The following SLC3A1 variants were observed in gnomAD, a reference collection of about 807,000 sequenced individuals.
SLC3A1 encodes the protein solute carrier family 3 member 1, also known as amino acid transporter heavy chain SLC3A1.
Under a neutral mutation model 60.3 loss-of-function variants are expected in SLC3A1, and 78 were observed. The observed-to-expected ratio is 1.29, with a 90% CI of 1.08 to 1.56. The LOEUF (loss-of-function observed/expected upper bound fraction) is 1.56. SLC3A1 is among the 40% of genes most tolerant of loss of function. SLC3A1 has a pLI of 0.00. For synonymous variants in SLC3A1, 392 were observed against 307.9 expected, an observed-to-expected ratio of 1.27 and a Z score of -2.86; for missense variants, 1,172 against 858.9, an observed-to-expected ratio of 1.36 and a Z score of -4.56.
In SLC3A1 at chr2:44,297,387, C is replaced by G. The variant is rs936780378; in HGVS notation, c.892-2584C>G. On this transcript the variant is annotated intron_variant, in intron 4 of 9. Coordinates refer to ENST00000260649, the MANE Select transcript of SLC3A1 (RefSeq NM_000341.4). Reference sequence around the variant, plus strand: ...TCCTCCCACCTGTCCCAGTACAGGCCAGCCTCTGCCTCCACACTTGGCTCA... The same window carrying G: ...TCCTCCCACCTGTCCCAGTACAGGCGAGCCTCTGCCTCCACACTTGGCTCA... 3.9e-5 allele frequency among the ~76,000 whole-genome samples: 6 copies of G among 152,258 alleles called. No homozygotes were observed. In the South Asian group the frequency reaches 1.2e-3, roughly 32 times the overall value.
At chr2:44,318,160 G>A (rs1039103585) in intron 9 of SLC3A1, 3 of 432,574 alleles carry the variant, frequency 6.9e-6, no homozygotes, top group Non-Finnish European at 1.4e-5. Flanking sequence ...GCGTGATCTC[G>A]GCACACTGCA....
intron 9 of SLC3A1, chr2:44,317,638 T>G (rs1397317395): frequency 6.6e-6 from 1 of 152,258 alleles, no homozygotes; most frequent in Admixed American, 6.5e-5. Context: ...AATGGTAAAA[T>G]TAGGACATAA....
chr2:44,304,039 G>A lies in SLC3A1; in HGVS notation c.1137-104G>A, dbSNP rs1052758083. The A allele has an allele frequency of 1.7e-5, 15 of 858,180 alleles. No individual in the cohort carries two copies. In the African/African-American group the frequency reaches 2.0e-4, roughly 11 times the overall value. The allele number at this position is 858,180 out of a possible 1,614,324, so 53.2% of individuals were successfully genotyped here. ...GCTAGTCCTATATGGTTAATAGTGT[G>A]CATTCAGCCCCTACATCTTGTACAT... On this transcript the variant is annotated intron_variant, in intron 6 of 9. Coordinates refer to ENST00000260649, the MANE Select transcript of SLC3A1 (RefSeq NM_000341.4).
intron 5 of SLC3A1, among the ~76,000 whole-genome samples, chr2:44,300,436 T>C (rs994691699): frequency 6.6e-6 from 1 of 152,198 alleles, no homozygotes; most frequent in East Asian, 1.9e-4. Context: ...GGCCTTGGCT[T>C]GGATGAGATG....
In SLC3A1 at chr2:44,281,505, C is replaced by G; in HGVS notation, c.729C>G (p.Thr243=). The G allele has an allele frequency of 6.2e-7, 1 of 1,613,964 alleles. No individual in the cohort carries two copies. The highest frequency in any genetic ancestry group is 8.5e-7 in the Non-Finnish European group (1 of 1,179,922). ...ATTATTATATCTGGCATGACTGTAC[C>G]CATGAAAATGGCAAAACCATTCCAC... is the stretch of plus-strand genomic sequence containing the variant. ...YTDYYIWHDC[T]HENGKTIPPN... Residue 243 remains threonine, a synonymous_variant, in exon 3 of 10, where the codon ACC becomes ACG. Transcript: ENST00000260649.
chr2:44,276,513 C>T lies in SLC3A1; in HGVS notation c.430+548C>T, dbSNP rs548908622. On this transcript the variant is annotated intron_variant, in intron 1 of 9. Coordinates refer to ENST00000260649, the MANE Select transcript of SLC3A1 (RefSeq NM_000341.4). The stretch of plus-strand genomic sequence containing the variant: ...TAGAAAAGGGGTAGCAGTATGCATT[C>T]GTCATTACTTGAATTAAGGATTGTT... Among the ~76,000 whole-genome samples, 10 of 152,160 alleles carry T rather than the reference C, an allele frequency of 6.6e-5. No homozygotes were observed. The East Asian group carries it at 1.5e-3, about 24-fold the overall frequency.
At chr2:44,307,454 A>C (rs1672185633) in intron 7 of SLC3A1, among the ~76,000 whole-genome samples, 1 of 152,028 alleles carries the variant, frequency 6.6e-6, no homozygotes, top group Admixed American at 6.6e-5. Flanking sequence ...TTACATTCCC[A>C]CCAGCAATGT....
At chr2:44,307,118 T>C (rs1457469215) in intron 7 of SLC3A1, among the ~76,000 whole-genome samples, 2 of 152,222 alleles carry the variant, frequency 1.3e-5, no homozygotes, top group Non-Finnish European at 2.9e-5. Context: ...CTTTTGTGTC[T>C]AGCTTCTTTC....
intron 9 of SLC3A1, chr2:44,317,512 A>T (rs1245392254): frequency 5.9e-5 from 9 of 151,996 alleles, no homozygotes; most frequent in Admixed American, 5.9e-4. Flanking sequence ...TCAAGTGCTC[A>T]TTAGCTGCCA....
At chr2:44,311,255 T>A (rs1672288431) in intron 7 of SLC3A1, among the ~76,000 whole-genome samples, 1 of 152,232 alleles carries the variant, frequency 6.6e-6, no homozygotes, top group Non-Finnish European at 1.5e-5. Flanking sequence ...TTTTCATAAT[T>A]TCTCTTATCT....
intron 6 of SLC3A1, among the ~76,000 whole-genome samples, chr2:44,301,821 T>C (rs960381773): frequency 1.3e-5 from 2 of 150,498 alleles, no homozygotes; most frequent in African/African-American, 4.9e-5. Context: ...CCCAGCACTG[T>C]GTGAGGTCGA....
At chr2:44,311,797 C>T (rs73927007) in intron 7 of SLC3A1, among the ~76,000 whole-genome samples, 2,115 of 151,320 alleles carry the variant, frequency 0.014, 19 homozygotes, top group Middle Eastern at 0.035. Context: ...CAAGTTCGAA[C>T]GCTAGTTCTG....
At chr2:44,310,865 C>T (rs1672278720) in intron 7 of SLC3A1, among the ~76,000 whole-genome samples, 1 of 151,700 alleles carries the variant, frequency 6.6e-6, no homozygotes, top group African/African-American at 2.4e-5. Flanking sequence ...GTGGTGTAAA[C>T]ATGGCTCACT....
At chr2:44,307,304 G>C (rs1193089439) in intron 7 of SLC3A1, among the ~76,000 whole-genome samples, 1 of 152,110 alleles carries the variant, frequency 6.6e-6, no homozygotes, top group African/African-American at 2.4e-5. Context: ...GGACATTTGT[G>C]TACAAGTTTT....
intron 6 of SLC3A1, 25 bp from the exon 7 acceptor site, chr2:44,304,118 C>T (rs1257131689): frequency 3.1e-6 from 5 of 1,601,464 alleles, no homozygotes; most frequent in African/African-American, 2.7e-5. Context: ...GCCCCGATGA[C>T]ACTGAACCTT....
chr2:44,306,734 T>C (rs1266652157), intron 7 of SLC3A1, among the ~76,000 whole-genome samples: 1 of 151,804 alleles, frequency 6.6e-6, no homozygotes, highest in Non-Finnish European at 1.5e-5. Flanking sequence ...TTTGTATTTT[T>C]AGTAGGGACA....
At chr2:44,291,687 C>T (rs1304925449) in intron 4 of SLC3A1, among the ~76,000 whole-genome samples, 8 of 152,194 alleles carry the variant, frequency 5.3e-5, no homozygotes, top group Non-Finnish European at 8.8e-5. Context: ...TAGAGTTAAG[C>T]AGGTTAATAA....
chr2:44,313,293 C>G (rs532057115), intron 8 of SLC3A1, among the ~76,000 whole-genome samples: 2 of 152,084 alleles, frequency 1.3e-5, no homozygotes, highest in Non-Finnish European at 2.9e-5. Context: ...GCTGGGTAGA[C>G]GACTATCTTG....
At chr2:44,293,597 T>C (rs1671784616) in intron 4 of SLC3A1, among the ~76,000 whole-genome samples, 2 of 151,444 alleles carry the variant, frequency 1.3e-5, no homozygotes, top group Admixed American at 6.6e-5. Flanking sequence ...GACTTGTTGA[T>C]GTGGCTGATG....
Sources: allele counts gnomAD v4.1 joint callset (sites outside exome capture counted in the v4.1 genomes callset), GRCh38; gene constraint gnomAD v4.1.1; transcripts MANE v1.5; gene names NCBI Gene and HGNC (gene_info 2026-07-23, HGNC 2026-07-21).